ERC1: variants seen among roughly 807,000 people sequenced by gnomAD.
ERC1 encodes the protein RAB6 interacting protein 2.
In ERC1, 56 loss-of-function variants were observed where a neutral mutation model predicts 132.0. The ratio of observed to expected loss-of-function variants is 0.42; its 90% CI spans 0.34 to 0.53. The LOEUF (loss-of-function observed/expected upper bound fraction) is 0.53, where lower values mean the gene tolerates loss of function less well. Ranked by LOEUF, ERC1 falls within the 20% of genes least tolerant of loss-of-function variation. ERC1 has a pLI of 0.03. For missense variants in ERC1, 1,202 were observed against 1,349.9 expected, an observed-to-expected ratio of 0.89 and a Z score of 1.72; for synonymous variants, 478 against 476.1, an observed-to-expected ratio of 1.00 and a Z score of -0.05.
intron 1 of ERC1, among the ~76,000 whole-genome samples, chr12:1,002,156 C>T (rs1365259058): frequency 1.3e-4 from 16 of 126,962 alleles, no homozygotes; most frequent in African/African-American, 3.2e-4. Flanking sequence ...GCCACCATGC[C>T]CGGCTTTTTT....
At chr12:1,064,769 T>A (rs1342548697) in intron 2 of ERC1, among the ~76,000 whole-genome samples, 2 of 152,172 alleles carry the variant, frequency 1.3e-5, no homozygotes, top group African/African-American at 4.8e-5. Context: ...TTGGGCTGAA[T>A]ATGTTTTGGG....
intron 14 of ERC1, among the ~76,000 whole-genome samples, chr12:1,272,272 C>T (rs1391327096): frequency 1.3e-5 from 2 of 152,236 alleles, no homozygotes; most frequent in African/African-American, 4.8e-5. Flanking sequence ...CTTCTGTTGT[C>T]ACCACCACTG....
At chr12:1,284,431 T>A (rs1336055000) in intron 14 of ERC1, among the ~76,000 whole-genome samples, 1 of 152,124 alleles carries the variant, frequency 6.6e-6, no homozygotes, top group Non-Finnish European at 1.5e-5. Flanking sequence ...ATATACTGAT[T>A]TCCTTTCTTT....
intron 16 of ERC1, chr12:1,386,496 A>G (rs980905992): frequency 4.0e-5 from 6 of 151,624 alleles, no homozygotes; most frequent in African/African-American, 1.5e-4. Context: ...AAAAATACAA[A>G]AATTAGCCAG....
intron 2 of ERC1, among the ~76,000 whole-genome samples, chr12:1,033,711 C>T (rs1223529936): frequency 2.0e-5 from 3 of 151,502 alleles, no homozygotes; most frequent in Non-Finnish European, 2.9e-5. Flanking sequence ...CTCACTGCAA[C>T]CTCCGCCTCC....
At chr12:1,393,390 C>G (rs2090142331) in intron 16 of ERC1, among the ~76,000 whole-genome samples, 1 of 152,038 alleles carries the variant, frequency 6.6e-6, no homozygotes, top group Non-Finnish European at 1.5e-5. Context: ...TAAAAATTAG[C>G]TGGGCGTGGT....
chr12:1,150,088 G>T (rs1371835897), intron 8 of ERC1, among the ~76,000 whole-genome samples: 1 of 152,162 alleles, frequency 6.6e-6, no homozygotes, highest in Non-Finnish European at 1.5e-5. Flanking sequence ...AAAGCATTCT[G>T]GCATGGGATA....
intron 16 of ERC1, among the ~76,000 whole-genome samples, chr12:1,388,412 G>A (rs1044176094): frequency 6.6e-6 from 1 of 151,846 alleles, no homozygotes; most frequent in Non-Finnish European, 1.5e-5. Context: ...TAGGCAGAGG[G>A]ATCATTGTGG....
chr12:1,221,552 ATCT>A (rs913843530), intron 12 of ERC1, among the ~76,000 whole-genome samples: 1 of 152,194 alleles, frequency 6.6e-6, no homozygotes, highest in Non-Finnish European at 1.5e-5. Context: ...CTGTATTGAT[ATCT>A]TTTCTCCTTT....
At chr12:1,068,574 A>G (rs1939736739) in intron 2 of ERC1, among the ~76,000 whole-genome samples, 1 of 125,844 alleles carries the variant, frequency 7.9e-6, no homozygotes, top group Non-Finnish European at 1.8e-5. Context: ...TAACAGTAAA[A>G]TGATGTTAAA....
intron 13 of ERC1, 86 bp downstream of exon 13, chr12:1,236,990 C>T (rs1460138846): frequency 1.3e-5 from 20 of 1,490,476 alleles, no homozygotes; most frequent in East Asian, 2.3e-5. Context: ...TCTTTATCCT[C>T]CTCTTTTTTC....
intron 3 of ERC1, among the ~76,000 whole-genome samples, chr12:1,083,884 T>C (rs1205615347): frequency 1.3e-5 from 2 of 152,224 alleles, no homozygotes; most frequent in Non-Finnish European, 2.9e-5. Flanking sequence ...CATCTCTAGA[T>C]CTGTTCATAG....
intron 2 of ERC1, among the ~76,000 whole-genome samples, chr12:1,058,622 T>C (rs750152038): frequency 1.3e-5 from 2 of 152,168 alleles, no homozygotes; most frequent in Admixed American, 6.6e-5. Context: ...TGAAGTCACA[T>C]AGTGTGATGT....
chr12:1,447,347 G>A (rs555128511), intron 18 of ERC1, among the ~76,000 whole-genome samples: 17 of 151,974 alleles, frequency 1.1e-4, no homozygotes, highest in South Asian at 4.2e-4. Context: ...GAGAGACCTC[G>A]TCTTTAAAAA....
intron 7 of ERC1, among the ~76,000 whole-genome samples, chr12:1,122,593 C>G (rs55872089): frequency 1.7e-4 from 1 of 5,930 alleles, no homozygotes; most frequent in Non-Finnish European, 1.0e-3. Context: ...ATCTCTATCT[C>G]TATCTGTGTC....
intron 8 of ERC1, among the ~76,000 whole-genome samples, chr12:1,143,116 C>T (rs1433930590): frequency 3.3e-5 from 5 of 152,028 alleles, no homozygotes; most frequent in East Asian, 1.9e-4. Flanking sequence ...TTGGCCAGGC[C>T]GGTTTTGAAG....
chr12:1,460,958 C>CTTTTTTT lies in ERC1; in HGVS notation c.3213+16225_3213+16231dup, dbSNP rs35505633. On this transcript the variant is annotated intron_variant, in intron 18 of 18. Transcript: ENST00000360905. ...GACTTGCCTAAACGATGAGGAGGCC[C>CTTTTTTT]TTTTTTTTTTTTTTTTTTTTTTTCA... Among the ~76,000 whole-genome samples, 197 of 64,802 alleles carry CTTTTTTT rather than the reference C, an allele frequency of 3.0e-3. 12 individuals are homozygous for CTTTTTTT. Among genetic ancestry groups the CTTTTTTT allele is most frequent in the African/African-American group, 0.011 (182 of 16,372 alleles). The allele number at this position is 64,802 out of a possible 152,430, so 42.5% of individuals were successfully genotyped here.
intron 11 of ERC1, 120 bp from the exon 12 acceptor site, chr12:1,189,739 C>T: frequency 1.4e-6 from 1 of 703,328 alleles, no homozygotes. Context: ...AAATTACAAA[C>T]TAACTGGTAG....
intron 8 of ERC1, among the ~76,000 whole-genome samples, chr12:1,166,837 A>T (rs896081298): frequency 1.3e-5 from 2 of 152,236 alleles, no homozygotes; most frequent in Non-Finnish European, 2.9e-5. Context: ...ACCTGAGAGA[A>T]TATAGCCTTT....
Sources: allele counts gnomAD v4.1 joint callset (sites outside exome capture counted in the v4.1 genomes callset), GRCh38; gene constraint gnomAD v4.1.1; transcripts MANE v1.5; gene names NCBI Gene and HGNC (gene_info 2026-07-23, HGNC 2026-07-21).